The following ZGRF1 variants were observed in gnomAD, a reference collection of about 807,000 sequenced individuals.
ZGRF1 encodes 5'-3' DNA helicase ZGRF1.
A neutral mutation model predicts 203.5 loss-of-function variants in ZGRF1; 196 were observed. That is an observed-to-expected ratio of 0.96 (90% CI 0.86 to 1.08). The LOEUF (loss-of-function observed/expected upper bound fraction) is 1.08, where lower values mean the gene tolerates loss of function less well. Among genes scored for constraint, ZGRF1 ranks in the 50% least tolerant of loss-of-function variants. The probability of loss-of-function intolerance (pLI) is 0.00; values close to 1 mark genes in which losing one functional copy is unlikely to be tolerated. For synonymous variants in ZGRF1, 809 were observed against 841.3 expected, an observed-to-expected ratio of 0.96 and a Z score of 0.66; for missense variants, 2,326 against 2,416.3, an observed-to-expected ratio of 0.96 and a Z score of 0.78.
chr4:112,549,778 T>TA (rs1008938594), intron 22 of ZGRF1, among the ~76,000 whole-genome samples: 82 of 145,642 alleles, frequency 5.6e-4, no homozygotes, highest in South Asian at 1.1e-3. Flanking sequence ...TCCTACTTCT[T>TA]AAAAAAAAAA....
Position 112,540,905 on chromosome 4 carries a change from G to T in ZGRF1, c.5826C>A (p.Leu1942=), listed in dbSNP as rs776894284. The T allele has an allele frequency of 6.3e-7, 1 of 1,582,672 alleles. No individual in the cohort carries two copies. Among genetic ancestry groups the T allele is most frequent in the Non-Finnish European group, 8.6e-7 (1 of 1,162,514 alleles). Residue 1942 remains leucine (L), a synonymous_variant, in exon 26 of 28, where the codon CTC becomes CTA. Coordinates refer to ENST00000505019, the MANE Select transcript of ZGRF1 (RefSeq NM_018392.5). ...FHNVAEATFT[L]KLIQSLIASG... ...TTGCAATCAGTGATTGAATCAGCTT[G>T]AGTGTAAACGTAGCTTCTGCCACAT...
At position 112,578,601 on chromosome 4, in the gene ZGRF1, T is replaced by C. The variant is rs1372728737; in HGVS notation, c.4438+3062A>G. On this transcript the variant is annotated intron_variant, in intron 16 of 27. Transcript: ENST00000505019. The stretch of plus-strand genomic sequence containing the variant: ...ATGATAAAGGGGATATCACCACCGA[T>C]CCACAGAAATACAAACTACCATCAA... Among the ~76,000 whole-genome samples the C allele has an allele frequency of 6.5e-5, 8 of 122,208 alleles. 3 individuals carry two copies. The highest frequency in any genetic ancestry group is 1.3e-4 in the Non-Finnish European group (7 of 54,674). 80.2% of individuals were successfully genotyped at this position (122,208 alleles called of 152,430 possible).
chr4:112,589,276 T>G (rs925534131), intron 11 of ZGRF1, among the ~76,000 whole-genome samples: 1 of 152,116 alleles, frequency 6.6e-6, no homozygotes, highest in Non-Finnish European at 1.5e-5. Flanking sequence ...CCTAGAGTCC[T>G]AGGAATGCAA....
chr4:112,564,670 G>A (rs1236424359), intron 16 of ZGRF1, among the ~76,000 whole-genome samples: 1 of 151,882 alleles, frequency 6.6e-6, no homozygotes, highest in Non-Finnish European at 1.5e-5. Context: ...ATATATTTAT[G>A]TATTACTTGT....
Position 112,618,766 on chromosome 4 carries a change from C to T in ZGRF1, c.1276G>A (p.Gly426Ser). Residue 426 changes from glycine to serine, a missense_variant, in exon 6 of 28, where the codon GGT becomes AGT. Gly to Ser is a moderately conservative substitution (Grantham distance 56). Coordinates refer to ENST00000505019, the MANE Select transcript of ZGRF1 (RefSeq NM_018392.5). ...QVTCSSAEND[G>S]ILSESDIQED... ...TGAATGTCAGATTCTGATAATATAC[C>T]ATCATTTTCTGCACTGCTACAAGTA... The T allele has an allele frequency of 6.2e-7, 1 of 1,611,102 alleles. No individual in the cohort carries two copies. The highest frequency in any genetic ancestry group is 8.5e-7 in the Non-Finnish European group (1 of 1,179,180).
chr4:112,622,353 T>C (rs1401128138), intron 4 of ZGRF1, among the ~76,000 whole-genome samples: 1 of 151,506 alleles, frequency 6.6e-6, no homozygotes, highest in Non-Finnish European at 1.5e-5. Context: ...ACCCCATCTC[T>C]ACTAAAAATA....
intron 10 of ZGRF1, among the ~76,000 whole-genome samples, chr4:112,603,285 T>C (rs1277914422): frequency 2.0e-5 from 3 of 152,206 alleles, no homozygotes; most frequent in African/African-American, 7.2e-5. Flanking sequence ...GCTTTTGTCA[T>C]GAATTTATAG....
intron 14 of ZGRF1, among the ~76,000 whole-genome samples, 185 bp from the exon 15 acceptor site, chr4:112,584,359 T>C (rs1369418959): frequency 6.6e-6 from 1 of 152,220 alleles, no homozygotes; most frequent in Non-Finnish European, 1.5e-5. Context: ...TCCATTTACT[T>C]TCTCTTTATC....
At chr4:112,560,541 T>A (rs1000447533) in intron 19 of ZGRF1, among the ~76,000 whole-genome samples, 192 bp downstream of exon 19, 8 of 152,240 alleles carry the variant, frequency 5.3e-5, no homozygotes, top group African/African-American at 1.7e-4. Flanking sequence ...TCAGATATGC[T>A]AATAAGTCTC....
intron 3 of ZGRF1, chr4:112,630,008 G>A (rs1415565558): frequency 9.6e-6 from 2 of 208,212 alleles, no homozygotes. Context: ...AACAGAGCAA[G>A]ACTCTGTCTA....
intron 3 of ZGRF1, among the ~76,000 whole-genome samples, chr4:112,630,755 G>A (rs2149210347): frequency 6.6e-6 from 1 of 152,132 alleles, no homozygotes; most frequent in South Asian, 2.1e-4. Flanking sequence ...GCCGGGCGTG[G>A]TGGTGGCACC....
chr4:112,575,384 C>G (rs1355548738), intron 16 of ZGRF1, among the ~76,000 whole-genome samples: 1 of 152,192 alleles, frequency 6.6e-6, no homozygotes. Context: ...GCATTTCCAA[C>G]TGAGATACCG....
At chr4:112,569,963 T>C (rs1330271501) in intron 16 of ZGRF1, among the ~76,000 whole-genome samples, 1 of 152,192 alleles carries the variant, frequency 6.6e-6, no homozygotes, top group African/African-American at 2.4e-5. Flanking sequence ...TACATGATGA[T>C]GTAAGTTTAC....
intron 4 of ZGRF1, among the ~76,000 whole-genome samples, chr4:112,620,412 T>C (rs960918337): frequency 6.6e-6 from 1 of 152,240 alleles, no homozygotes; most frequent in Non-Finnish European, 1.5e-5. Context: ...CTGATTTGTT[T>C]ATTCAACAAC....
intron 11 of ZGRF1, among the ~76,000 whole-genome samples, 161 bp from the exon 12 acceptor site, chr4:112,588,090 C>T (rs1375781212): frequency 6.6e-6 from 1 of 151,606 alleles, no homozygotes; most frequent in African/African-American, 2.4e-5. Flanking sequence ...GTTTTAACCT[C>T]AAAAAATAAA....
chr4:112,553,631 C>T (rs944421729), intron 22 of ZGRF1, among the ~76,000 whole-genome samples: 3 of 152,166 alleles, frequency 2.0e-5, no homozygotes, highest in Non-Finnish European at 4.4e-5. Flanking sequence ...GATCTATTCA[C>T]GAATTTGAAG....
At chr4:112,613,248 C>T (rs55877934) in intron 6 of ZGRF1, among the ~76,000 whole-genome samples, 59,830 of 151,944 alleles carry the variant, frequency 0.39, 12,019 homozygotes, top group South Asian at 0.49. Context: ...GAGCTAAGAT[C>T]GCACCACTGC....
In ZGRF1 at chr4:112,553,839, T is replaced by G; in HGVS notation, c.5342A>C (p.Lys1781Thr). ...HKLGTNRTLL[K>T]QVRVVGVTCA... Reference sequence around the variant, plus strand: ...ATTGAAGCTACTACTTCTTACCTGCTTCAGCAGGGTTCTATTGGTCCCCAG... The same window carrying G: ...ATTGAAGCTACTACTTCTTACCTGCGTCAGCAGGGTTCTATTGGTCCCCAG... Residue 1781 changes from lysine (K) to threonine (T), a missense_variant, in exon 22 of 28, where the codon AAG becomes ACG. Lys to Thr is a moderately conservative substitution (Grantham distance 78). Coordinates refer to ENST00000505019, the MANE Select transcript of ZGRF1 (RefSeq NM_018392.5). The G allele has an allele frequency of 6.2e-7, 1 of 1,604,814 alleles. No homozygotes were observed. Among genetic ancestry groups the G allele is most frequent in the Non-Finnish European group, 8.5e-7 (1 of 1,177,750 alleles).
chr4:112,575,107 T>C (rs1240824635), intron 16 of ZGRF1, among the ~76,000 whole-genome samples: 3 of 151,504 alleles, frequency 2.0e-5, no homozygotes, highest in Admixed American at 6.6e-5. Context: ...TGGGGTTCAA[T>C]GTTGCCAAAT....
Sources: gnomAD v4.1 joint callset for allele counts (sites outside exome capture counted in the v4.1 genomes callset) on GRCh38, gnomAD v4.1.1 for gene constraint, MANE v1.5 for transcripts, NCBI Gene and HGNC (gene_info 2026-07-23, HGNC 2026-07-21) for gene names.